The following KRTAP7-1 variants were observed in gnomAD, a reference collection of about 807,000 sequenced individuals.
The protein encoded by KRTAP7-1 is keratin-associated protein 7-1.
KRTAP7-1 carries 4 observed loss-of-function variants against 5.1 expected under a neutral mutation model. The ratio of observed to expected loss-of-function variants is 0.78; its 90% CI spans 0.38 to 1.79. KRTAP7-1 has a LOEUF of 1.79. Among genes scored for constraint, KRTAP7-1 ranks in the 40% most tolerant of loss-of-function variants. The pLI, the probability that KRTAP7-1 is intolerant of heterozygous loss-of-function variation, is 0.04. For missense variants in KRTAP7-1, 98 were observed against 105.3 expected (o/e 0.93, Z 0.30); for synonymous variants, 42 against 41.5 (o/e 1.01, Z -0.05).
Position 30,829,654 on chromosome 21 carries a change from A to G in KRTAP7-1, c.45T>C (p.Pro15=), listed in dbSNP as rs143708359. The part of the protein sequence containing the change: ...FCCGSYFPGY[P]IYGTNFHGTF... ...TCCCATGGAAGTTGGTCCCATAGAT[A>G]GGGTATCCTGGGAAGTAGCTTCCAC... The change falls in exon 1 of 1, where the codon CCT becomes CCC. Residue 15 remains proline (P), a synonymous_variant. Coordinates refer to ENST00000621162, the MANE Select transcript of KRTAP7-1 (RefSeq NM_181606.3). 6.4e-7 allele frequency: 1 copy of G among 1,551,268 alleles called. No homozygotes were observed.
Position 30,829,298 on chromosome 21 carries a change from A to G in KRTAP7-1, c.*137T>C. The G allele has an allele frequency of 3.0e-6, 3 of 1,005,614 alleles. No individual in the cohort carries two copies. The highest frequency in any genetic ancestry group is 2.8e-6 in the Non-Finnish European group (2 of 702,416). 62.3% of individuals were successfully genotyped at this position (1,005,614 alleles called of 1,614,324 possible). Reference sequence around the variant, plus strand: ...TCCAACAGCATCAAAGACAAAGACCACAGCAAGAAGTCAGCAAGAAGATGG... The same window carrying G: ...TCCAACAGCATCAAAGACAAAGACCGCAGCAAGAAGTCAGCAAGAAGATGG... On this transcript the variant is annotated 3_prime_UTR_variant, in exon 1 of 1. Transcript: ENST00000621162.
Position 30,829,481 on chromosome 21 carries a change from T to C in KRTAP7-1, c.218A>G (p.Tyr73Cys), listed in dbSNP as rs1985244569. The C allele has an allele frequency of 3.2e-6, 5 of 1,551,568 alleles. No individual in the cohort carries two copies. Among genetic ancestry groups the C allele is most frequent in the Non-Finnish European group, 8.7e-7 (1 of 1,146,982 alleles). Residue 73 changes from tyrosine to cysteine, a missense_variant, in exon 1 of 1, where the codon TAT becomes TGT. Tyr to Cys is a radical substitution (Grantham distance 194). Coordinates refer to ENST00000621162, the MANE Select transcript of KRTAP7-1 (RefSeq NM_181606.3). The part of the protein sequence containing the change: ...NLGGCYGGSF[Y>C]RPWGSGSGFG... ...GCCAGAGCCAGAGCCCCATGGCCTA[T>C]AGAAGCTACCACCATAGCAGCCGCC...
In KRTAP7-1 at chr21:30,829,574, T is replaced by C. The variant is rs979431195; in HGVS notation, c.125A>G (p.Tyr42Cys). 6 of 1,551,474 alleles carry C rather than the reference T, an allele frequency of 3.9e-6. No individual in the cohort carries two copies. In the Admixed American group the frequency reaches 9.8e-5, roughly 25 times the overall value. ...GCTGTAGCCATTGCATCCACAGCCA[T>C]AGTTCAGGGGAGAGCCCAGAGGCAC... ...CVVPLGSPLN[Y>C]GCGCNGYSSL... is the part of the protein sequence containing the mutation. The change falls in exon 1 of 1, where the codon TAT becomes TGT. Residue 42 changes from tyrosine (Y) to cysteine (C), a missense_variant. By Grantham distance (194) the Tyr-to-Cys change is radical. Coordinates refer to ENST00000621162, the MANE Select transcript of KRTAP7-1 (RefSeq NM_181606.3).
Position 30,829,548 on chromosome 21 carries a change from A to G in KRTAP7-1, c.151T>C (p.Ser51Pro), listed in dbSNP as rs9982755. 761,172 of 1,551,020 alleles carry G rather than the reference A, an allele frequency of 0.49. 188,584 individuals carry two copies. The highest frequency in any genetic ancestry group is 0.66 in the Admixed American group (33,834 of 50,984). The change falls in exon 1 of 1, where the codon TCC (serine) becomes CCC (proline). Residue 51 changes from serine (S) to proline (P), a missense_variant. Coordinates refer to ENST00000621162, the MANE Select transcript of KRTAP7-1 (RefSeq NM_181606.3). ...NYGCGCNGYS[S>P]LGYSFGGSNI... ...CTACCACCAAAGCTGTAGCCCAGGG[A>G]GCTGTAGCCATTGCATCCACAGCCA...
chr21:30,829,278 C>T lies in KRTAP7-1; in HGVS notation c.*157G>A. On this transcript the variant is annotated 3_prime_UTR_variant, in exon 1 of 1. Transcript: ENST00000621162. Reference sequence around the variant, plus strand: ...CCTGAGTCCTGGGTGACTTGTCCAACAGCATCAAAGACAAAGACCACAGCA... The same window carrying T: ...CCTGAGTCCTGGGTGACTTGTCCAATAGCATCAAAGACAAAGACCACAGCA... 3.7e-6 allele frequency: 3 copies of T among 820,008 alleles called. No individual in the cohort carries two copies. The highest frequency in any genetic ancestry group is 5.6e-6 in the Non-Finnish European group (3 of 537,158). 50.8% of individuals were successfully genotyped at this position (820,008 alleles called of 1,614,324 possible).
Position 30,829,375 on chromosome 21 carries a change from C to A in KRTAP7-1, c.*60G>T. 6.7e-7 allele frequency: 1 copy of A among 1,496,704 alleles called. No individual in the cohort carries two copies. The highest frequency in any genetic ancestry group is 9.0e-7 in the Non-Finnish European group (1 of 1,116,978). 92.7% of individuals were successfully genotyped at this position (1,496,704 alleles called of 1,614,324 possible). ...AGGTAGGAAGACAGTCATTGCTCTTCAGGTTGTTCTGTGCAGAGAATTAAT... is the reference window on the plus strand; with the variant it reads ...AGGTAGGAAGACAGTCATTGCTCTTAAGGTTGTTCTGTGCAGAGAATTAAT... On this transcript the variant is annotated 3_prime_UTR_variant, in exon 1 of 1. Coordinates refer to ENST00000621162, the MANE Select transcript of KRTAP7-1 (RefSeq NM_181606.3).
In KRTAP7-1 at chr21:30,829,258, G is replaced by C; in HGVS notation, c.*177C>G. 1 of 685,818 alleles carries C rather than the reference G, an allele frequency of 1.5e-6. No homozygotes were observed. Among genetic ancestry groups the C allele is most frequent in the Non-Finnish European group, 2.4e-6 (1 of 417,560 alleles). The allele number at this position is 685,818 out of a possible 1,614,324, so 42.5% of individuals were successfully genotyped here. On this transcript the variant is annotated 3_prime_UTR_variant, in exon 1 of 1. Coordinates refer to ENST00000621162, the MANE Select transcript of KRTAP7-1 (RefSeq NM_181606.3). Reference sequence around the variant, plus strand: ...AGATGAGTATCAGTTCAGCACCTGAGTCCTGGGTGACTTGTCCAACAGCAT... The same window carrying C: ...AGATGAGTATCAGTTCAGCACCTGACTCCTGGGTGACTTGTCCAACAGCAT...
Position 30,829,598 on chromosome 21 carries a change from ACAACACAGT to A in KRTAP7-1, c.92_100del (p.Asn31_Val34delinsMet). The A allele has an allele frequency of 6.4e-7, 1 of 1,551,688 alleles. No homozygotes were observed. On this transcript the variant is annotated inframe_deletion, in exon 1 of 1. Coordinates refer to ENST00000621162, the MANE Select transcript of KRTAP7-1 (RefSeq NM_181606.3). ...ATAGTTCAGGGGAGAGCCCAGAGGC[ACAACACAGT>A]TCAAGGGGGTGGCTCTGAAGGTCCC... is the stretch of plus-strand genomic sequence containing the variant.
Position 30,829,358 on chromosome 21 carries a change from A to G in KRTAP7-1, c.*77T>C. On this transcript the variant is annotated 3_prime_UTR_variant, in exon 1 of 1. Transcript: ENST00000621162. ...CACCCAAGCACATGGGAAGGTAGGAAGACAGTCATTGCTCTTCAGGTTGTT... is the reference window on the plus strand; with the variant it reads ...CACCCAAGCACATGGGAAGGTAGGAGGACAGTCATTGCTCTTCAGGTTGTT... 1 of 1,441,600 alleles carries G rather than the reference A, an allele frequency of 6.9e-7. No individual in the cohort carries two copies. Among genetic ancestry groups the G allele is most frequent in the Non-Finnish European group, 9.3e-7 (1 of 1,075,392 alleles). The allele number at this position is 1,441,600 out of a possible 1,614,324, so 89.3% of individuals were successfully genotyped here. A position where few individuals can be genotyped will look rare whatever the true frequency, so the allele number is the denominator to read the frequency against.
Position 30,829,295 on chromosome 21 carries a change from A to C in KRTAP7-1, c.*140T>G. 1.0e-6 allele frequency: 1 copy of C among 967,148 alleles called. No individual in the cohort carries two copies. Among genetic ancestry groups the C allele is most frequent in the African/African-American group, 1.6e-5 (1 of 60,794 alleles). The allele number at this position is 967,148 out of a possible 1,614,324, so 59.9% of individuals were successfully genotyped here. The stretch of plus-strand genomic sequence containing the variant: ...TTGTCCAACAGCATCAAAGACAAAG[A>C]CCACAGCAAGAAGTCAGCAAGAAGA... On this transcript the variant is annotated 3_prime_UTR_variant, in exon 1 of 1. Transcript: ENST00000621162.
In KRTAP7-1 at chr21:30,829,326, G is replaced by C; in HGVS notation, c.*109C>G. 8.1e-7 allele frequency: 1 copy of C among 1,237,062 alleles called. No individual in the cohort carries two copies. The highest frequency in any genetic ancestry group is 1.5e-5 in the African/African-American group (1 of 65,840). The allele number at this position is 1,237,062 out of a possible 1,614,324, so 76.6% of individuals were successfully genotyped here. A position where few individuals can be genotyped will look rare whatever the true frequency, so the allele number is the denominator to read the frequency against. The stretch of plus-strand genomic sequence containing the variant: ...GCAAGAAGTCAGCAAGAAGATGGAA[G>C]ATGTATCACCCAAGCACATGGGAAG... On this transcript the variant is annotated 3_prime_UTR_variant, in exon 1 of 1. Transcript: ENST00000621162.
In KRTAP7-1 at chr21:30,829,717, G is replaced by C. The variant is rs1161514756; in HGVS notation, c.-19C>G. ...GAGTCATGGTGGCAGCAATTGAGAA[G>C]GATTTAGATGGATTGTGAAGGGTAA... is the stretch of plus-strand genomic sequence containing the variant. On this transcript the variant is annotated 5_prime_UTR_variant, in exon 1 of 1. Transcript: ENST00000621162. 1 of 1,533,094 alleles carries C rather than the reference G, an allele frequency of 6.5e-7. No homozygotes were observed. The highest frequency in any genetic ancestry group is 8.8e-7 in the Non-Finnish European group (1 of 1,136,956). 95.0% of individuals were successfully genotyped at this position (1,533,094 alleles called of 1,614,324 possible).
Position 30,829,238 on chromosome 21 carries a change from AG to A in KRTAP7-1, c.*196del. On this transcript the variant is annotated 3_prime_UTR_variant, in exon 1 of 1. Transcript: ENST00000621162. ...ATCTTGCTTCCTTTGTCTGTAGATGAGTATCAGTTCAGCACCTGAGTCCTGG... is the reference window on the plus strand; with the variant it reads ...ATCTTGCTTCCTTTGTCTGTAGATGATATCAGTTCAGCACCTGAGTCCTGG... 5.1e-6 allele frequency: 3 copies of A among 585,998 alleles called. No individual in the cohort carries two copies. The South Asian group carries it at 7.8e-5, about 15-fold the overall frequency. 36.3% of individuals were successfully genotyped at this position (585,998 alleles called of 1,614,324 possible).
chr21:30,829,334 ACC>A lies in KRTAP7-1; in HGVS notation c.*99_*100del. The A allele has an allele frequency of 7.7e-7, 1 of 1,293,550 alleles. No homozygotes were observed. Among genetic ancestry groups the A allele is most frequent in the Non-Finnish European group, 1.0e-6 (1 of 954,182 alleles). 80.1% of individuals were successfully genotyped at this position (1,293,550 alleles called of 1,614,324 possible). On this transcript the variant is annotated 3_prime_UTR_variant, in exon 1 of 1. Coordinates refer to ENST00000621162, the MANE Select transcript of KRTAP7-1 (RefSeq NM_181606.3). ...TCAGCAAGAAGATGGAAGATGTATC[ACC>A]CAAGCACATGGGAAGGTAGGAAGAC...
chr21:30,829,600 A>G lies in KRTAP7-1; in HGVS notation c.99T>C (p.Val33=), dbSNP rs1010031129. The change falls in exon 1 of 1, where the codon GTT becomes GTC. Residue 33 remains valine (V), a synonymous_variant. Transcript: ENST00000621162. Reference sequence around the variant, plus strand: ...AGTTCAGGGGAGAGCCCAGAGGCACAACACAGTTCAAGGGGGTGGCTCTGA... The same window carrying G: ...AGTTCAGGGGAGAGCCCAGAGGCACGACACAGTTCAAGGGGGTGGCTCTGA... The part of the protein sequence containing the change: ...GTFRATPLNC[V]VPLGSPLNYG... The G allele has an allele frequency of 7.7e-6, 12 of 1,551,572 alleles. No individual in the cohort carries two copies. The highest frequency in any genetic ancestry group is 9.6e-6 in the Non-Finnish European group (11 of 1,146,964).
Position 30,829,418 on chromosome 21 carries a change from C to T in KRTAP7-1, c.*17G>A. ...GAATTAATTGAGAGTCCTGTAGTCA[C>T]TGGAGCCATTGGTCCATCAGTAGGT... On this transcript the variant is annotated 3_prime_UTR_variant, in exon 1 of 1. Coordinates refer to ENST00000621162, the MANE Select transcript of KRTAP7-1 (RefSeq NM_181606.3). 1.9e-6 allele frequency: 3 copies of T among 1,549,664 alleles called. No individual in the cohort carries two copies. Among genetic ancestry groups the T allele is most frequent in the Non-Finnish European group, 2.6e-6 (3 of 1,146,154 alleles).
In KRTAP7-1 at chr21:30,829,737, G is replaced by A. The variant is rs1462391529; in HGVS notation, c.-39C>T. The stretch of plus-strand genomic sequence containing the variant: ...GAGAAGGATTTAGATGGATTGTGAA[G>A]GGTAAGTTACCCAAGTGTTAATGAA... On this transcript the variant is annotated 5_prime_UTR_variant, in exon 1 of 1. Transcript: ENST00000621162. 2.0e-6 allele frequency: 3 copies of A among 1,512,682 alleles called. No homozygotes were observed. The highest frequency in any genetic ancestry group is 2.7e-6 in the Non-Finnish European group (3 of 1,126,278). The allele number at this position is 1,512,682 out of a possible 1,614,324, so 93.7% of individuals were successfully genotyped here. A position where few individuals can be genotyped will look rare whatever the true frequency, so the allele number is the denominator to read the frequency against.
At position 30,829,153 on chromosome 21, in the gene KRTAP7-1, C is replaced by A. The variant is rs9305443; in HGVS notation, c.*282G>T. On this transcript the variant is annotated 3_prime_UTR_variant, in exon 1 of 1. Transcript: ENST00000621162. ...AGAAGCTAATAATACATGAGCAGAG[C>A]AACCATGGGAGGCAAACTACTTTTT... The A allele has an allele frequency of 0.013, 5,129 of 389,782 alleles. 248 individuals are homozygous for A. The highest frequency in any genetic ancestry group is 0.095 in the African/African-American group (4,721 of 49,682). The allele number at this position is 389,782 out of a possible 1,614,324, so 24.1% of individuals were successfully genotyped here. A position where few individuals can be genotyped will look rare whatever the true frequency, so the allele number is the denominator to read the frequency against.
chr21:30,829,586 G>A lies in KRTAP7-1; in HGVS notation c.113C>T (p.Ser38Phe). ...GCATCCACAGCCATAGTTCAGGGGA[G>A]AGCCCAGAGGCACAACACAGTTCAA... ...TPLNCVVPLG[S>F]PLNYGCGCNG... The change falls in exon 1 of 1, where the codon TCT becomes TTT. Residue 38 changes from serine (S) to phenylalanine (F), a missense_variant. Transcript: ENST00000621162. 2 of 1,551,688 alleles carry A rather than the reference G, an allele frequency of 1.3e-6. No homozygotes were observed. The highest frequency in any genetic ancestry group is 2.0e-5 in the Admixed American group (1 of 51,004).
Sources: gnomAD v4.1 joint callset for allele counts on GRCh38, gnomAD v4.1.1 for gene constraint, MANE v1.5 for transcripts, NCBI Gene and HGNC (gene_info 2026-07-23, HGNC 2026-07-21) for gene names.